The following SCAPER variants were observed in gnomAD, a reference collection of about 807,000 sequenced individuals.
SCAPER encodes S-phase cyclin A associated protein in the ER.
Under a neutral mutation model 182.2 loss-of-function variants are expected in SCAPER, and 98 were observed. The ratio of observed to expected loss-of-function variants is 0.54; its 90% CI spans 0.46 to 0.64. SCAPER has a LOEUF of 0.64. SCAPER is among the 30% of genes least tolerant of loss of function. The pLI is 0.00. For missense variants in SCAPER, 1,432 were observed against 1,690.0 expected (o/e 0.85, Z 2.68); for synonymous variants, 605 against 564.6 (o/e 1.07, Z -1.01).
At chr15:76,762,054 C>G (rs1232296283) in intron 14 of SCAPER, among the ~76,000 whole-genome samples, 2 of 152,204 alleles carry the variant, frequency 1.3e-5, no homozygotes, top group Non-Finnish European at 2.9e-5. Context: ...TCTAGGGACA[C>G]TTCTTGTCCT....
intron 21 of SCAPER, among the ~76,000 whole-genome samples, chr15:76,653,657 T>C (rs561007529): frequency 6.6e-6 from 1 of 152,322 alleles, no homozygotes; most frequent in East Asian, 1.9e-4. Context: ...AATAGCCATA[T>C]GCAGAAGATT....
chr15:76,562,172 T>G (rs985715195), intron 23 of SCAPER, among the ~76,000 whole-genome samples: 1 of 112,520 alleles, frequency 8.9e-6, no homozygotes, highest in Admixed American at 8.9e-5. Context: ...AAAAAAAAAT[T>G]AATACCAAAT....
At chr15:76,866,450 A>T in intron 2 of SCAPER, among the ~76,000 whole-genome samples, 1 of 152,284 alleles carries the variant, frequency 6.6e-6, no homozygotes, top group South Asian at 2.1e-4. Flanking sequence ...GCTCCACTAT[A>T]AATTTTACCA....
intron 29 of SCAPER, among the ~76,000 whole-genome samples, chr15:76,363,255 T>C (rs891431149): frequency 6.6e-6 from 1 of 152,230 alleles, no homozygotes; most frequent in African/African-American, 2.4e-5. Context: ...AAACAACAGG[T>C]GTTCATTAAC....
chr15:76,823,059 T>A (rs1055123875), intron 5 of SCAPER, among the ~76,000 whole-genome samples: 1 of 152,212 alleles, frequency 6.6e-6, no homozygotes, highest in South Asian at 2.1e-4. Flanking sequence ...AAATGATCAT[T>A]TGTATTATAA....
chr15:76,828,312 C>T (rs1408920847), intron 5 of SCAPER, among the ~76,000 whole-genome samples: 3 of 151,640 alleles, frequency 2.0e-5, no homozygotes, highest in African/African-American at 7.3e-5. Context: ...CCAGACAAGT[C>T]AAATTTGACT....
intron 6 of SCAPER, among the ~76,000 whole-genome samples, 152 bp downstream of exon 6, chr15:76,804,381 T>C (rs945579128): frequency 6.6e-6 from 1 of 152,312 alleles, no homozygotes; most frequent in East Asian, 1.9e-4. Flanking sequence ...ACCCAATAAA[T>C]ATTTGTTATT....
intron 23 of SCAPER, among the ~76,000 whole-genome samples, chr15:76,571,177 G>A (rs2145322345): frequency 6.6e-6 from 1 of 152,198 alleles, no homozygotes; most frequent in East Asian, 1.9e-4. Flanking sequence ...TAAGTTATAA[G>A]CACAACTTTC....
chr15:76,453,671 A>C (rs182823448), intron 25 of SCAPER, among the ~76,000 whole-genome samples: 6 of 152,286 alleles, frequency 3.9e-5, no homozygotes, highest in Admixed American at 1.3e-4. Flanking sequence ...AGGTTTTTTC[A>C]CTAGAAAGTT....
intron 24 of SCAPER, among the ~76,000 whole-genome samples, chr15:76,496,013 C>T (rs1189404041): frequency 2.7e-5 from 4 of 150,596 alleles, no homozygotes; most frequent in African/African-American, 9.8e-5. Flanking sequence ...CACACACACA[C>T]ACACACACAC....
Position 76,416,612 on chromosome 15 carries a change from G to A in SCAPER, c.3312-11933C>T, listed in dbSNP as rs111422193. 7.5e-4 allele frequency among the ~76,000 whole-genome samples: 114 copies of A among 152,120 alleles called. 1 individual carries two copies. The highest frequency in any genetic ancestry group is 2.4e-4 in the Non-Finnish European group (16 of 68,022). ...CATACTCATGGGTACTCTTTGTGTA[G>A]GTCAATCTGGCAATATGGATCAAAA... On this transcript the variant is annotated intron_variant, in intron 26 of 31. Coordinates refer to ENST00000563290, the MANE Select transcript of SCAPER (RefSeq NM_020843.4).
intron 21 of SCAPER, among the ~76,000 whole-genome samples, chr15:76,651,319 G>C (rs1397323489): frequency 6.6e-6 from 1 of 152,018 alleles, no homozygotes; most frequent in Non-Finnish European, 1.5e-5. Context: ...TCACTAAAAA[G>C]CATACAGGAA....
intron 24 of SCAPER, chr15:76,472,371 G>A: frequency 4.2e-6 from 3 of 711,168 alleles, no homozygotes; most frequent in South Asian, 2.7e-5. Context: ...CAAGTGAAGC[G>A]TGTGCATTTT....
rs190664244 is a variant in SCAPER, at chr15:76,643,747, G to T, written c.2645+21906C>A. ...AGCTATCCTCATTTGTAACACGAGG[G>T]AATAAAAACTAGCTAAATTTTTAGG... is the stretch of plus-strand genomic sequence containing the variant. On this transcript the variant is annotated intron_variant, in intron 21 of 31. Transcript: ENST00000563290. Among the ~76,000 whole-genome samples, 20 of 152,220 alleles carry T rather than the reference G, an allele frequency of 1.3e-4. 1 individual carries two copies. Among genetic ancestry groups the T allele is most frequent in the Admixed American group, 9.8e-4 (15 of 15,292 alleles).
chr15:76,548,058 T>C (rs867721036), intron 23 of SCAPER, among the ~76,000 whole-genome samples: 1 of 152,116 alleles, frequency 6.6e-6, no homozygotes, highest in African/African-American at 2.4e-5. Context: ...TTAAATGTGC[T>C]TTCAACAGAA....
At chr15:76,394,981 C>T (rs146738327) in intron 27 of SCAPER, among the ~76,000 whole-genome samples, 31 of 152,194 alleles carry the variant, frequency 2.0e-4, no homozygotes, top group African/African-American at 7.0e-4. Context: ...TTAACCATCC[C>T]CAGCTCTCTC....
chr15:76,599,272 T>C (rs2049736244), intron 22 of SCAPER, among the ~76,000 whole-genome samples: 1 of 121,568 alleles, frequency 8.2e-6, no homozygotes, highest in African/African-American at 2.5e-5. Flanking sequence ...CGTCAAATAT[T>C]ACCAAGGATA....
intron 29 of SCAPER, among the ~76,000 whole-genome samples, chr15:76,358,701 C>G (rs1255376158): frequency 6.6e-6 from 1 of 152,258 alleles, no homozygotes; most frequent in Non-Finnish European, 1.5e-5. Flanking sequence ...CGAAATACAA[C>G]TACATTGCAG....
chr15:76,370,507 G>A (rs1348048591), intron 29 of SCAPER, among the ~76,000 whole-genome samples: 1 of 152,032 alleles, frequency 6.6e-6, no homozygotes, highest in Middle Eastern at 3.2e-3. Context: ...GTTTTGCCAT[G>A]TTGGTCAGGC....
Sources: gnomAD v4.1 joint callset for allele counts (sites outside exome capture counted in the v4.1 genomes callset) on GRCh38, gnomAD v4.1.1 for gene constraint, MANE v1.5 for transcripts, NCBI Gene and HGNC (gene_info 2026-07-23, HGNC 2026-07-21) for gene names.